Variants in SCLT1 observed in about 807,000 individuals in gnomAD.
SCLT1 encodes sodium channel and clathrin linker 1.
In SCLT1, 78 loss-of-function variants were observed where a neutral mutation model predicts 112.8. The observed-to-expected ratio is 0.69, with a 90% CI of 0.58 to 0.83. The LOEUF (loss-of-function observed/expected upper bound fraction) is 0.83, where lower values mean the gene tolerates loss of function less well. SCLT1 is among the 40% of genes least tolerant of loss of function. The pLI is 0.00. For missense variants in SCLT1, 747 were observed against 770.4 expected (o/e 0.97, Z 0.36); for synonymous variants, 257 against 254.7 (o/e 1.01, Z -0.09).
At position 128,970,718 on chromosome 4, in the gene SCLT1, T is replaced by A. The variant is rs77283178; in HGVS notation, c.687-250A>T. 3,135 of 356,410 alleles carry A rather than the reference T, an allele frequency of 8.8e-3. 113 individuals carry two copies. Among genetic ancestry groups the A allele is most frequent in the African/African-American group, 0.062 (2,936 of 47,286 alleles). 22.1% of individuals were successfully genotyped at this position (356,410 alleles called of 1,614,324 possible). On this transcript the variant is annotated intron_variant, in intron 9 of 20. Coordinates refer to ENST00000281142, the MANE Select transcript of SCLT1 (RefSeq NM_144643.4). ...ATGAATGCTGTACTTGGGTAAATTA[T>A]ATTATATACCAAAGTGATTCAATAA...
chr4:129,015,136 G>T (rs72924154), intron 5 of SCLT1, among the ~76,000 whole-genome samples: 1 of 152,164 alleles, frequency 6.6e-6, no homozygotes, highest in Non-Finnish European at 1.5e-5. Flanking sequence ...GTCTGCAATG[G>T]TGGTCAGCTA....
chr4:128,975,291 G>A (rs561555569), intron 9 of SCLT1, among the ~76,000 whole-genome samples: 5 of 151,704 alleles, frequency 3.3e-5, no homozygotes, highest in Admixed American at 6.6e-5. Flanking sequence ...CGCCTGCCTC[G>A]GCCTCGCAGA....
At chr4:129,010,055 T>C (rs568172180) in intron 5 of SCLT1, among the ~76,000 whole-genome samples, 109 of 152,350 alleles carry the variant, frequency 7.2e-4, no homozygotes, top group African/African-American at 2.3e-3. Flanking sequence ...GCCTAAGTTG[T>C]CTTCCAGGGT....
chr4:129,059,420 TC>T (rs1749749650), intron 2 of SCLT1, among the ~76,000 whole-genome samples: 1 of 152,202 alleles, frequency 6.6e-6, no homozygotes, highest in African/African-American at 2.4e-5. Flanking sequence ...TGATGCTTTT[TC>T]CATTTCTCCT....
intron 19 of SCLT1, among the ~76,000 whole-genome samples, chr4:128,889,078 C>T: frequency 6.6e-6 from 1 of 152,208 alleles, no homozygotes; most frequent in East Asian, 1.9e-4. Flanking sequence ...ATCACCTGGA[C>T]TGTGAAAACA....
chr4:129,020,613 GGA>G (rs1745382138), intron 5 of SCLT1, among the ~76,000 whole-genome samples: 1 of 152,140 alleles, frequency 6.6e-6, no homozygotes. Context: ...CCACCATAGT[GGA>G]GACTATAAGG....
rs771005429 is a variant in SCLT1, at chr4:128,957,064, G to A, written c.1108C>T (p.Arg370Trp). The A allele has an allele frequency of 4.4e-6, 7 of 1,599,740 alleles. No individual in the cohort carries two copies. The highest frequency in any genetic ancestry group is 1.7e-4 in the Middle Eastern group (1 of 5,882). ...DIEKMKETVS[R>W]FVQDATIRTK... ...CTTATGGTAGCATCTTGTACAAACC[G>A]AGAAACTGTCTCTTTCATTTTCTCT... Residue 370 changes from arginine to tryptophan, a missense_variant, in exon 13 of 21, where the codon CGG becomes TGG. Physicochemically the swap from Arg to Trp is moderately radical, Grantham distance 101. Coordinates refer to ENST00000281142, the MANE Select transcript of SCLT1 (RefSeq NM_144643.4).
At chr4:128,950,364 T>C (rs776825054) in intron 14 of SCLT1, among the ~76,000 whole-genome samples, 3 of 152,108 alleles carry the variant, frequency 2.0e-5, no homozygotes, top group Non-Finnish European at 2.9e-5. Context: ...TAAAGAATAT[T>C]TGGTTAACCT....
At chr4:129,031,217 G>A (rs1434958513) in intron 5 of SCLT1, among the ~76,000 whole-genome samples, 1 of 152,034 alleles carries the variant, frequency 6.6e-6, no homozygotes, top group Non-Finnish European at 1.5e-5. Flanking sequence ...AAAACCACAT[G>A]ATTATCTCAA....
At chr4:129,027,965 A>T (rs1264459726) in intron 5 of SCLT1, among the ~76,000 whole-genome samples, 2 of 152,332 alleles carry the variant, frequency 1.3e-5, no homozygotes, top group Middle Eastern at 6.8e-3. Flanking sequence ...AATCCAACTT[A>T]CAAGGGACGG....
At chr4:129,013,209 T>G (rs1222658538) in intron 5 of SCLT1, among the ~76,000 whole-genome samples, 1 of 152,194 alleles carries the variant, frequency 6.6e-6, no homozygotes, top group East Asian at 1.9e-4. Context: ...TTCTTACCAT[T>G]TAGCTCCCAC....
chr4:128,957,808 C>G (rs1446723143), intron 12 of SCLT1, among the ~76,000 whole-genome samples: 1 of 152,120 alleles, frequency 6.6e-6, no homozygotes, highest in Admixed American at 6.6e-5. Context: ...TCTTTACCAG[C>G]AGCACTTGAA....
intron 4 of SCLT1, chr4:128,875,091 G>GTAT (rs1327648272): frequency 1.3e-5 from 2 of 151,846 alleles, no homozygotes; most frequent in African/African-American, 4.8e-5. Context: ...ACCCAATCCT[G>GTAT]TATTTATTTC....
chr4:128,995,241 G>A (rs993946587), intron 8 of SCLT1, among the ~76,000 whole-genome samples: 5 of 151,994 alleles, frequency 3.3e-5, no homozygotes, highest in South Asian at 2.1e-4. Flanking sequence ...TTTTGAATAC[G>A]AATATCTAGA....
At chr4:129,050,971 T>C (rs1165874089) in intron 2 of SCLT1, among the ~76,000 whole-genome samples, 2 of 152,174 alleles carry the variant, frequency 1.3e-5, no homozygotes, top group Non-Finnish European at 1.5e-5. Flanking sequence ...GCACCATTAA[T>C]TAAATAGGGA....
chr4:128,942,685 G>A (rs1222562048), intron 17 of SCLT1, among the ~76,000 whole-genome samples: 4 of 152,090 alleles, frequency 2.6e-5, no homozygotes, highest in Non-Finnish European at 4.4e-5. Context: ...GAGAAGAGAG[G>A]AAGGCAGTCT....
intron 18 of SCLT1, among the ~76,000 whole-genome samples, chr4:128,897,046 A>C (rs1366173361): frequency 6.6e-6 from 1 of 152,210 alleles, no homozygotes; most frequent in East Asian, 1.9e-4. Flanking sequence ...CTCTCGTCTG[A>C]TTGGTGTACC....
chr4:129,012,642 T>C (rs1288851121), intron 5 of SCLT1, among the ~76,000 whole-genome samples: 1 of 152,206 alleles, frequency 6.6e-6, no homozygotes, highest in African/African-American at 2.4e-5. Flanking sequence ...ACTACTATTG[T>C]ATGGGAGTCT....
At chr4:129,043,033 A>G (rs1403005163) in intron 4 of SCLT1, among the ~76,000 whole-genome samples, 1 of 151,978 alleles carries the variant, frequency 6.6e-6, no homozygotes. Flanking sequence ...AGATCGCGCC[A>G]CTGCATTCCA....
Sources: gnomAD v4.1 joint callset for allele counts (sites outside exome capture counted in the v4.1 genomes callset) on GRCh38, gnomAD v4.1.1 for gene constraint, MANE v1.5 for transcripts, NCBI Gene and HGNC (gene_info 2026-07-23, HGNC 2026-07-21) for gene names.